The following BRWD3 variants were observed in gnomAD, a reference collection of about 807,000 sequenced individuals.
The protein encoded by BRWD3 is bromodomain and WD repeat-containing protein 3.
Under a neutral mutation model 149.7 loss-of-function variants are expected in BRWD3, and 10 were observed. That is an observed-to-expected ratio of 0.07 (90% CI 0.04 to 0.11). The LOEUF (loss-of-function observed/expected upper bound fraction) is 0.11. BRWD3 is among the 10% of genes least tolerant of loss of function. The pLI is 1.00. For synonymous variants in BRWD3, 504 were observed against 456.7 expected, an observed-to-expected ratio of 1.10 and a Z score of -1.32; for missense variants, 940 against 1,373.2, an observed-to-expected ratio of 0.68 and a Z score of 4.99.
chrX:80,774,601 G>A (rs993730888), intron 6 of BRWD3, among the ~76,000 whole-genome samples: 5 of 111,608 alleles, frequency 4.5e-5, no homozygotes, highest in South Asian at 3.7e-4. Flanking sequence ...CAACCATCCC[G>A]TCTTACCTGG....
chrX:80,803,101 C>CAG (rs1491221218), intron 4 of BRWD3, among the ~76,000 whole-genome samples: 2 of 24,057 alleles, frequency 8.3e-5, no homozygotes, highest in African/African-American at 2.1e-4. Context: ...GACTCCATCT[C>CAG]AAAAAAAAAA....
intron 21 of BRWD3, among the ~76,000 whole-genome samples, chrX:80,708,631 C>A (rs2072906347): frequency 9.0e-6 from 1 of 111,147 alleles, no homozygotes; most frequent in African/African-American, 3.3e-5. Flanking sequence ...GCCTGGCCAA[C>A]AGGGTGAAAC....
At chrX:80,681,708 T>C (rs970085970) in intron 39 of BRWD3, among the ~76,000 whole-genome samples, 1 of 111,721 alleles carries the variant, frequency 9.0e-6, no homozygotes, top group Admixed American at 9.5e-5. Flanking sequence ...TCAAATATTA[T>C]GTTGGTAAAT....
At chrX:80,728,692 T>C (rs2073284077) in intron 14 of BRWD3, 60 bp downstream of exon 14, 3 of 1,024,920 alleles carry the variant, frequency 2.9e-6, no homozygotes, top group Admixed American at 2.9e-5. Flanking sequence ...TTAAATTTCC[T>C]GTGTCTTAAA....
intron 8 of BRWD3, among the ~76,000 whole-genome samples, chrX:80,739,950 C>T (rs771101941): frequency 2.7e-5 from 3 of 111,785 alleles, no homozygotes; most frequent in African/African-American, 9.7e-5. Context: ...AGGGGGACTA[C>T]GATAATCAAA....
In BRWD3 at chrX:80,719,604, A is replaced by G. The variant is rs1487490545; in HGVS notation, c.1929T>C (p.Asp643=). Residue 643 remains aspartate (D), a synonymous_variant, in exon 18 of 41, where the codon GAT becomes GAC. Coordinates refer to ENST00000373275, the MANE Select transcript of BRWD3 (RefSeq NM_153252.5). ...TGATTATTCCATCAAGAATGCTCTC[A>G]TCTTGGTCATTGGTTTGCTGCCCAA... ...QVIGQQTNDQ[D]ESILDGIIRE... is the part of the protein sequence containing the mutation. The G allele has an allele frequency of 8.3e-7, 1 of 1,210,369 alleles. No homozygotes were observed. The highest frequency in any genetic ancestry group is 1.1e-6 in the Non-Finnish European group (1 of 894,608).
At chrX:80,751,064 G>A (rs757585628) in intron 6 of BRWD3, among the ~76,000 whole-genome samples, 40 of 111,284 alleles carry the variant, frequency 3.6e-4, no homozygotes, top group Admixed American at 8.7e-4. Context: ...CATAAAAACA[G>A]AGTAGAAAGG....
At position 80,671,698 on chromosome X, in the gene BRWD3, T is replaced by G. The variant is rs1047708947; in HGVS notation, c.*4911A>C. On this transcript the variant is annotated 3_prime_UTR_variant, in exon 41 of 41. Coordinates refer to ENST00000373275, the MANE Select transcript of BRWD3 (RefSeq NM_153252.5). ...ATAAATCAAGCCAGTTTATATTACC[T>G]TTTTTACTGAATTTTAGTTTAACGG... 39 of 112,237 alleles carry G rather than the reference T, an allele frequency of 3.5e-4. No homozygotes were observed. Among genetic ancestry groups the G allele is most frequent in the African/African-American group, 1.1e-3 (35 of 30,947 alleles). 9.2% of individuals were successfully genotyped at this position (112,237 alleles called of 1,213,427 possible). A position where few individuals can be genotyped will look rare whatever the true frequency, so the allele number is the denominator to read the frequency against.
intron 40 of BRWD3, among the ~76,000 whole-genome samples, chrX:80,679,960 T>C (rs1019762180): frequency 8.9e-6 from 1 of 111,738 alleles, no homozygotes; most frequent in African/African-American, 3.2e-5. Context: ...ACACTAAAGA[T>C]GTAAACTGGG....
chrX:80,713,002 C>T (rs1273697239), intron 20 of BRWD3, among the ~76,000 whole-genome samples: 3 of 110,029 alleles, frequency 2.7e-5, no homozygotes, highest in African/African-American at 1.0e-4. Context: ...GCAGCCACCC[C>T]GTCCGGGAGG....
At chrX:80,760,222 AT>A (rs1204344797) in intron 6 of BRWD3, among the ~76,000 whole-genome samples, 2 of 111,440 alleles carry the variant, frequency 1.8e-5, no homozygotes, top group Non-Finnish European at 3.8e-5. Flanking sequence ...TATCCATCAT[AT>A]TTTTTTAAAC....
At chrX:80,757,355 T>A (rs1485853786) in intron 6 of BRWD3, among the ~76,000 whole-genome samples, 1 of 112,174 alleles carries the variant, frequency 8.9e-6, no homozygotes, top group Non-Finnish European at 1.9e-5. Context: ...CACCCACTGT[T>A]GTTAAGAATT....
At chrX:80,755,819 GA>G (rs1263512102) in intron 6 of BRWD3, among the ~76,000 whole-genome samples, 10 of 111,279 alleles carry the variant, frequency 9.0e-5, no homozygotes, top group Non-Finnish European at 1.7e-4. Flanking sequence ...AAAGCAATGT[GA>G]AAAAAATTAG....
At position 80,719,585 on chromosome X, in the gene BRWD3, T is replaced by G; in HGVS notation, c.1948A>C (p.Ile650Leu). The change falls in exon 18 of 41, where the codon ATA becomes CTA. Residue 650 changes from isoleucine (I) to leucine (L), a missense_variant. Transcript: ENST00000373275. ...NDQDESILDG[I>L]IRELQREQDL... ...TGTTCTCTCTGCAGCTCCCTGATTA[T>G]TCCATCAAGAATGCTCTCATCTTGG... is the stretch of plus-strand genomic sequence containing the variant. 1 of 1,210,104 alleles carries G rather than the reference T, an allele frequency of 8.3e-7. No homozygotes were observed.
Position 80,808,588 on chromosome X carries a change from C to G in BRWD3, c.131G>C (p.Arg44Pro). Residue 44 changes from arginine (R) to proline (P), a missense_variant, in exon 4 of 41, where the codon CGC (arginine) becomes CCC (proline). Arg to Pro is a moderately radical substitution (Grantham distance 103). This residue lies in a region of BRWD3 where 105 missense variants were observed against 127.7 expected (regional missense o/e 0.82). Coordinates refer to ENST00000373275, the MANE Select transcript of BRWD3 (RefSeq NM_153252.5). The part of the protein sequence containing the change: ...QELEEHQLIP[R>P]RLDWEGKEHR... ...CTCTTTCCCCTCCCAATCTAAGCGG[C>G]GCGGAATCAGCTGGGGGCCGGACGA... 8.3e-7 allele frequency: 1 copy of G among 1,207,341 alleles called. No homozygotes were observed. Among genetic ancestry groups the G allele is most frequent in the Non-Finnish European group, 1.1e-6 (1 of 893,880 alleles).
intron 8 of BRWD3, among the ~76,000 whole-genome samples, chrX:80,742,009 G>A (rs1478710542): frequency 9.0e-6 from 1 of 111,573 alleles, no homozygotes; most frequent in Non-Finnish European, 1.9e-5. Context: ...GAATGGTATT[G>A]CCTAGGTTTT....
intron 17 of BRWD3, among the ~76,000 whole-genome samples, chrX:80,721,697 T>G (rs2073151833): frequency 8.9e-6 from 1 of 112,094 alleles, no homozygotes; most frequent in African/African-American, 3.2e-5. Context: ...ACTATCTTCC[T>G]ATCATATATC....
At chrX:80,739,564 G>A (rs1158176492) in intron 8 of BRWD3, among the ~76,000 whole-genome samples, 2 of 110,786 alleles carry the variant, frequency 1.8e-5, no homozygotes, top group Admixed American at 9.6e-5. Context: ...TAAAAGAAAT[G>A]AGAAAATAAA....
chrX:80,710,286 G>A (rs770795946), intron 20 of BRWD3: 3 of 346,659 alleles, frequency 8.7e-6, no homozygotes, highest in African/African-American at 8.0e-5. Flanking sequence ...CAACAATATG[G>A]CTGGAGACCA....
Sources: allele counts gnomAD v4.1 joint callset (sites outside exome capture counted in the v4.1 genomes callset), GRCh38; gene constraint gnomAD v4.1.1; regional missense constraint gnomAD v4.1.1; transcripts MANE v1.5; gene names NCBI Gene and HGNC (gene_info 2026-07-23, HGNC 2026-07-21).